The following RANBP3L variants were observed in gnomAD, a reference collection of about 807,000 sequenced individuals.
The protein encoded by RANBP3L is RAN binding protein 3 like.
A neutral mutation model predicts 67.2 loss-of-function variants in RANBP3L; 56 were observed. That is an observed-to-expected ratio of 0.83 (90% CI 0.67 to 1.04). The LOEUF (loss-of-function observed/expected upper bound fraction) is 1.04, where lower values mean the gene tolerates loss of function less well. RANBP3L is among the 50% of genes least tolerant of loss of function. The pLI is 0.00. For missense variants in RANBP3L, 496 were observed against 535.5 expected, an observed-to-expected ratio of 0.93 and a Z score of 0.73; for synonymous variants, 164 against 181.4, an observed-to-expected ratio of 0.90 and a Z score of 0.77.
intron 1 of RANBP3L, among the ~76,000 whole-genome samples, chr5:36,280,915 A>C (rs1432459611): frequency 6.6e-6 from 1 of 152,168 alleles, no homozygotes; most frequent in Non-Finnish European, 1.5e-5. Flanking sequence ...GAAATGTTTA[A>C]CTTAATATGA....
chr5:36,269,835 TA>T, intron 3 of RANBP3L, 115 bp downstream of exon 3: 1 of 907,444 alleles, frequency 1.1e-6, no homozygotes, highest in African/African-American at 1.6e-5. Context: ...CTGGCATATT[TA>T]AAAAAAGAAA....
chr5:36,272,376 T>C (rs887608603), intron 1 of RANBP3L, among the ~76,000 whole-genome samples: 1 of 152,180 alleles, frequency 6.6e-6, no homozygotes, highest in Non-Finnish European at 1.5e-5. Context: ...TACCAACATA[T>C]TGTCTTGGCA....
At position 36,255,534 on chromosome 5, in the gene RANBP3L, G is replaced by A; in HGVS notation, c.960C>T (p.Gly320=). The change falls in exon 11 of 14, where the codon GGC becomes GGT. Residue 320 remains glycine, a synonymous_variant. Transcript: ENST00000296604. The part of the protein sequence containing the change: ...NKTTQSWIER[G]RGTLRLNDTA... The stretch of plus-strand genomic sequence containing the variant: ...TGTCATTCAGTCTCAACGTTCCTCT[G>A]CCCCTTTCAATCCAGGATTGTGTTG... 1.2e-6 allele frequency: 2 copies of A among 1,611,290 alleles called. No individual in the cohort carries two copies. Among genetic ancestry groups the A allele is most frequent in the Non-Finnish European group, 1.7e-6 (2 of 1,177,832 alleles).
rs74386412 is a variant in RANBP3L, at chr5:36,290,710, C to T, written c.91+10616G>A. On this transcript the variant is annotated intron_variant, in intron 1 of 13. Coordinates refer to ENST00000296604, the MANE Select transcript of RANBP3L (RefSeq NM_145000.5). ...ACTTCAAAAGTGTAATTAGGGATGG[C>T]CTTGGACAACCATGGCTTTTTTTTT... Among the ~76,000 whole-genome samples, 1,630 of 145,252 alleles carry T rather than the reference C, an allele frequency of 0.011. 142 individuals are homozygous for T. In the East Asian group the frequency reaches 0.22, roughly 19 times the overall value.
intron 10 of RANBP3L, among the ~76,000 whole-genome samples, chr5:36,256,511 A>C (rs564174476): frequency 6.6e-6 from 1 of 152,142 alleles, no homozygotes; most frequent in Non-Finnish European, 1.5e-5. Flanking sequence ...ATGAAATTCT[A>C]AACTTTTTTA....
Position 36,262,060 on chromosome 5 carries a change from C to T in RANBP3L, c.481-18G>A, listed in dbSNP as rs1340762882. ...TCAGAAATCTGAAAGTAAAGAAATCCATCAAAAAGTTTATAAAGACTACCT... is the reference window on the plus strand; with the variant it reads ...TCAGAAATCTGAAAGTAAAGAAATCTATCAAAAAGTTTATAAAGACTACCT... On this transcript the variant is annotated intron_variant, in intron 6 of 13. Coordinates refer to ENST00000296604, the MANE Select transcript of RANBP3L (RefSeq NM_145000.5). 1 of 1,318,418 alleles carries T rather than the reference C, an allele frequency of 7.6e-7. No homozygotes were observed. Among genetic ancestry groups the T allele is most frequent in the Non-Finnish European group, 1.1e-6 (1 of 915,966 alleles). 81.7% of individuals were successfully genotyped at this position (1,318,418 alleles called of 1,614,324 possible). A position where few individuals can be genotyped will look rare whatever the true frequency, so the allele number is the denominator to read the frequency against.
At chr5:36,265,376 C>T in intron 5 of RANBP3L, 73 bp downstream of exon 5, 1 of 958,288 alleles carries the variant, frequency 1.0e-6, no homozygotes, top group Non-Finnish European at 1.6e-6. Flanking sequence ...AACACACGCA[C>T]ACATATAGGG....
At chr5:36,258,327 A>AT (rs869088949) in intron 8 of RANBP3L, among the ~76,000 whole-genome samples, 13 of 152,220 alleles carry the variant, frequency 8.5e-5, no homozygotes, top group Admixed American at 4.6e-4. Flanking sequence ...TTAGGCTTAC[A>AT]TTTTTTCCCT....
chr5:36,269,830 A>G, intron 3 of RANBP3L, 121 bp downstream of exon 3: 4 of 839,840 alleles, frequency 4.8e-6, no homozygotes, highest in South Asian at 1.4e-5. Flanking sequence ...ATCTACTGGC[A>G]TATTTAAAAA....
chr5:36,265,298 A>G, intron 5 of RANBP3L, 151 bp downstream of exon 5: 4 of 662,356 alleles, frequency 6.0e-6, no homozygotes, highest in Non-Finnish European at 1.0e-5. Context: ...ATTCATTTTG[A>G]TCATGAAACC....
At position 36,262,060 on chromosome 5, in the gene RANBP3L, C is replaced by A; in HGVS notation, c.481-18G>T. ...TCAGAAATCTGAAAGTAAAGAAATC[C>A]ATCAAAAAGTTTATAAAGACTACCT... On this transcript the variant is annotated intron_variant, in intron 6 of 13. Transcript: ENST00000296604. The A allele has an allele frequency of 2.3e-6, 3 of 1,318,414 alleles. No homozygotes were observed. Among genetic ancestry groups the A allele is most frequent in the Non-Finnish European group, 3.3e-6 (3 of 915,966 alleles). The allele number at this position is 1,318,414 out of a possible 1,614,324, so 81.7% of individuals were successfully genotyped here.
In RANBP3L at chr5:36,272,420, T is replaced by C. The variant is rs191665982; in HGVS notation, c.92-1109A>G. The stretch of plus-strand genomic sequence containing the variant: ...GGTAATTTGCCATCCCTGAGCTGAA[T>C]AAATAAAGCTGTAGCTGACAAATTT... On this transcript the variant is annotated intron_variant, in intron 1 of 13. Coordinates refer to ENST00000296604, the MANE Select transcript of RANBP3L (RefSeq NM_145000.5). Among the ~76,000 whole-genome samples, 397 of 152,300 alleles carry C rather than the reference T, an allele frequency of 2.6e-3. 1 individual carries two copies. The highest frequency in any genetic ancestry group is 6.8e-3 in the Middle Eastern group (2 of 294).
At chr5:36,299,800 T>G (rs1281568828) in intron 1 of RANBP3L, among the ~76,000 whole-genome samples, 1 of 152,148 alleles carries the variant, frequency 6.6e-6, no homozygotes, top group African/African-American at 2.4e-5. Context: ...AAAATAAGGT[T>G]GTAGAAGAAT....
At position 36,248,585 on chromosome 5, in the gene RANBP3L, G is replaced by A. The variant is rs1272315198; in HGVS notation, c.*1069C>T. On this transcript the variant is annotated 3_prime_UTR_variant, in exon 14 of 14. Transcript: ENST00000296604. Reference sequence around the variant, plus strand: ...GAAATTACGCCCTCATTCCAAATATGTTGTCATTGTTCAGAACATTTTCAG... The same window carrying A: ...GAAATTACGCCCTCATTCCAAATATATTGTCATTGTTCAGAACATTTTCAG... 6.6e-6 allele frequency: 1 copy of A among 152,090 alleles called. No homozygotes were observed. The highest frequency in any genetic ancestry group is 6.5e-5 in the Admixed American group (1 of 15,278). 9.4% of individuals were successfully genotyped at this position (152,090 alleles called of 1,614,324 possible).
chr5:36,294,994 A>G (rs1752103518), intron 1 of RANBP3L, among the ~76,000 whole-genome samples: 1 of 150,662 alleles, frequency 6.6e-6, no homozygotes, highest in South Asian at 2.1e-4. Context: ...ACACATATAT[A>G]TACACACCAT....
chr5:36,301,592 C>A lies in RANBP3L; in HGVS notation c.-176G>T. On this transcript the variant is annotated 5_prime_UTR_variant, in exon 1 of 14. Coordinates refer to ENST00000296604, the MANE Select transcript of RANBP3L (RefSeq NM_145000.5). ...TTCCAAGCTTTTTCCAGTCATGATTCTTGAAATAAATAATCACCAATGTTA... is the reference window on the plus strand; with the variant it reads ...TTCCAAGCTTTTTCCAGTCATGATTATTGAAATAAATAATCACCAATGTTA... The A allele has an allele frequency of 4.0e-6, 2 of 496,718 alleles. No individual in the cohort carries two copies. Among genetic ancestry groups the A allele is most frequent in the Non-Finnish European group, 7.2e-6 (2 of 276,692 alleles). The allele number at this position is 496,718 out of a possible 1,614,324, so 30.8% of individuals were successfully genotyped here.
intron 1 of RANBP3L, among the ~76,000 whole-genome samples, chr5:36,296,986 A>G (rs1252776774): frequency 6.6e-6 from 1 of 151,528 alleles, no homozygotes; most frequent in African/African-American, 2.4e-5. Flanking sequence ...TGAATTTCTT[A>G]AAATAAATCC....
At chr5:36,293,483 C>G (rs1387719913) in intron 1 of RANBP3L, among the ~76,000 whole-genome samples, 29 of 151,898 alleles carry the variant, frequency 1.9e-4, no homozygotes, top group Non-Finnish European at 2.9e-5. Context: ...TTGTGCCAGT[C>G]TTCAAAGGGA....
chr5:36,291,614 T>C (rs1207455076), intron 1 of RANBP3L, among the ~76,000 whole-genome samples: 1 of 151,892 alleles, frequency 6.6e-6, no homozygotes, highest in Non-Finnish European at 1.5e-5. Context: ...GTGTTTTCCT[T>C]GTTCAATTCC....
Sources: gnomAD v4.1 joint callset for allele counts (sites outside exome capture counted in the v4.1 genomes callset) on GRCh38, gnomAD v4.1.1 for gene constraint, MANE v1.5 for transcripts, NCBI Gene and HGNC (gene_info 2026-07-23, HGNC 2026-07-21) for gene names.